Variants in LEMD3 observed in about 807,000 individuals in gnomAD.
LEMD3 encodes LEM domain containing 3, also known as inner nuclear membrane protein Man1.
In LEMD3, 33 loss-of-function variants were observed where a neutral mutation model predicts 95.2. The observed-to-expected ratio is 0.35, with a 90% confidence interval of 0.26 to 0.46. LEMD3 has a LOEUF of 0.46. Among genes scored for constraint, LEMD3 ranks in the 20% least tolerant of loss-of-function variants. The pLI is 1.00. For missense variants in LEMD3, 1,210 were observed against 1,192.8 expected (o/e 1.01, Z -0.21); for synonymous variants, 525 against 474.6 (o/e 1.11, Z -1.38).
At chr12:65,219,055 G>T (rs569117582) in intron 4 of LEMD3, among the ~76,000 whole-genome samples, 18 of 152,266 alleles carry the variant, frequency 1.2e-4, no homozygotes, top group Admixed American at 6.5e-4. Context: ...GCCTCCCAAA[G>T]TGCTGGGATT....
At chr12:65,207,476 A>C (rs1462726478) in intron 1 of LEMD3, among the ~76,000 whole-genome samples, 1 of 152,126 alleles carries the variant, frequency 6.6e-6, no homozygotes, top group Non-Finnish European at 1.5e-5. Flanking sequence ...TGCAGTGATT[A>C]GGCATCCTTC....
At chr12:65,191,481 G>A (rs531690138) in intron 1 of LEMD3, among the ~76,000 whole-genome samples, 1 of 152,224 alleles carries the variant, frequency 6.6e-6, no homozygotes, top group East Asian at 1.9e-4. Flanking sequence ...CTCAAGGAAA[G>A]TTAAACATCA....
At chr12:65,197,560 A>G (rs1057482341) in intron 1 of LEMD3, among the ~76,000 whole-genome samples, 76 of 152,222 alleles carry the variant, frequency 5.0e-4, no homozygotes, top group African/African-American at 1.8e-3. Context: ...TATTTTACCA[A>G]GTAGTTTTGT....
In LEMD3 at chr12:65,171,013, T is replaced by C; in HGVS notation, c.1417T>C (p.Leu473=). ...AACAGGGAGTTTCAGTGCCCACTAC[T>C]TGTCGATGTTTCTCTTAACTGCTGC... ...SPTGSFSAHY[L]SMFLLTAACL... The change falls in exon 1 of 13, where the codon TTG becomes CTG. Residue 473 remains leucine, a synonymous_variant. Transcript: ENST00000308330. 4 of 1,614,212 alleles carry C rather than the reference T, an allele frequency of 2.5e-6. No homozygotes were observed. Among genetic ancestry groups the C allele is most frequent in the Non-Finnish European group, 3.4e-6 (4 of 1,180,032 alleles).
chr12:65,194,802 A>G (rs959374926), intron 1 of LEMD3, among the ~76,000 whole-genome samples: 1 of 139,698 alleles, frequency 7.2e-6, no homozygotes, highest in African/African-American at 2.5e-5. Context: ...TATTTAAACT[A>G]TTATCTTAAT....
chr12:65,179,700 A>G (rs749266319), intron 1 of LEMD3, among the ~76,000 whole-genome samples: 50 of 152,310 alleles, frequency 3.3e-4, no homozygotes, highest in Non-Finnish European at 4.3e-4. Context: ...AGGTGCAGCA[A>G]ACTGCCATGG....
intron 4 of LEMD3, among the ~76,000 whole-genome samples, chr12:65,224,931 T>G (rs1870403070): frequency 6.6e-6 from 1 of 152,150 alleles, no homozygotes; most frequent in Non-Finnish European, 1.5e-5. Flanking sequence ...CTTGTCTTTA[T>G]CCTTTCTTCA....
intron 4 of LEMD3, among the ~76,000 whole-genome samples, chr12:65,223,979 T>G (rs1249466117): frequency 6.6e-6 from 1 of 152,106 alleles, no homozygotes; most frequent in Non-Finnish European, 1.5e-5. Flanking sequence ...ACCTTAACTT[T>G]AGTCACATGG....
chr12:65,184,105 T>C (rs1868989567), intron 1 of LEMD3, among the ~76,000 whole-genome samples: 1 of 152,214 alleles, frequency 6.6e-6, no homozygotes, highest in African/African-American at 2.4e-5. Context: ...TTATTCATCA[T>C]GCTCTTTGAA....
intron 1 of LEMD3, among the ~76,000 whole-genome samples, chr12:65,184,734 A>T (rs1031934483): frequency 2.6e-5 from 4 of 152,144 alleles, no homozygotes; most frequent in African/African-American, 9.7e-5. Context: ...TAAGAGTTTT[A>T]TGAGGTAGGG....
chr12:65,215,937 T>TTTGTAATTGGG, intron 2 of LEMD3, 40 bp from the exon 3 acceptor site: 1 of 845,444 alleles, frequency 1.2e-6, no homozygotes, highest in Non-Finnish European at 1.9e-6. Context: ...GTTTTTTTTC[T>TTTGTAATTGGG]TGTAATTGGG....
chr12:65,169,585 C>T lies in LEMD3; in HGVS notation c.-12C>T, dbSNP rs746522089. 21 of 1,586,486 alleles carry T rather than the reference C, an allele frequency of 1.3e-5. No individual in the cohort carries two copies. Among genetic ancestry groups the T allele is most frequent in the African/African-American group, 9.4e-5 (7 of 74,738 alleles). On this transcript the variant is annotated 5_prime_UTR_variant, in exon 1 of 13. Coordinates refer to ENST00000308330, the MANE Select transcript of LEMD3 (RefSeq NM_014319.5). Reference sequence around the variant, plus strand: ...CGGTAGCGCGGAGCTTGTAAAACACCCTGGAGAGAAAATGGCGGCGGCAGC... The same window carrying T: ...CGGTAGCGCGGAGCTTGTAAAACACTCTGGAGAGAAAATGGCGGCGGCAGC...
At chr12:65,200,779 C>T (rs1346895020) in intron 1 of LEMD3, among the ~76,000 whole-genome samples, 1 of 152,060 alleles carries the variant, frequency 6.6e-6, no homozygotes, top group Admixed American at 6.6e-5. Context: ...ATTCTCTTAA[C>T]AGTGTCTTTT....
chr12:65,221,558 T>C (rs1179174607), intron 4 of LEMD3, among the ~76,000 whole-genome samples: 1 of 151,946 alleles, frequency 6.6e-6, no homozygotes, highest in African/African-American at 2.4e-5. Context: ...TTTAGGGCTT[T>C]CTATGTATAA....
chr12:65,170,298 C>A lies in LEMD3; in HGVS notation c.702C>A (p.Thr234=). 6.3e-7 allele frequency: 1 copy of A among 1,580,300 alleles called. No individual in the cohort carries two copies. Among genetic ancestry groups the A allele is most frequent in the Non-Finnish European group, 8.6e-7 (1 of 1,163,406 alleles). Residue 234 remains threonine, a synonymous_variant, in exon 1 of 13, where the codon ACC becomes ACA. Coordinates refer to ENST00000308330, the MANE Select transcript of LEMD3 (RefSeq NM_014319.5). ...GEDGEERDPE[T]EEPLWASRTV... ...ACGGTGAGGAGAGGGACCCGGAGACCGAGGAGCCGCTCTGGGCGAGCCGGA... is the reference window on the plus strand; with the variant it reads ...ACGGTGAGGAGAGGGACCCGGAGACAGAGGAGCCGCTCTGGGCGAGCCGGA...
At chr12:65,209,531 A>G (rs573216382) in intron 1 of LEMD3, among the ~76,000 whole-genome samples, 1 of 152,228 alleles carries the variant, frequency 6.6e-6, no homozygotes, top group African/African-American at 2.4e-5. Flanking sequence ...TAATATTATT[A>G]AAAAGGGTAT....
At chr12:65,240,386 T>C in intron 8 of LEMD3, 148 bp downstream of exon 8, 4 of 645,344 alleles carry the variant, frequency 6.2e-6, no homozygotes, top group South Asian at 1.8e-5. Flanking sequence ...TTTTGTACTT[T>C]ATACTCTCTT....
intron 1 of LEMD3, among the ~76,000 whole-genome samples, chr12:65,186,649 T>C (rs1271011992): frequency 1.6e-4 from 24 of 151,360 alleles, no homozygotes; most frequent in African/African-American, 5.8e-4. Flanking sequence ...TTTTTTTTTT[T>C]TCGACACCTG....
chr12:65,202,993 T>C (rs771219038), intron 1 of LEMD3, among the ~76,000 whole-genome samples: 1 of 152,178 alleles, frequency 6.6e-6, no homozygotes, highest in Non-Finnish European at 1.5e-5. Flanking sequence ...AGGAACCAGC[T>C]TCTGGTTTCA....
Sources: allele counts gnomAD v4.1 joint callset (sites outside exome capture counted in the v4.1 genomes callset), GRCh38; gene constraint gnomAD v4.1.1; transcripts MANE v1.5; gene names NCBI Gene and HGNC (gene_info 2026-07-23, HGNC 2026-07-21).